Variants in CEP95 observed in about 807,000 individuals in gnomAD.
The protein encoded by CEP95 is centrosomal protein of 95 kDa.
CEP95 carries 98 observed loss-of-function variants against 111.2 expected under a neutral mutation model. The ratio of observed to expected loss-of-function variants is 0.88; its 90% CI spans 0.75 to 1.04. The LOEUF (loss-of-function observed/expected upper bound fraction) is 1.04. Among genes scored for constraint, CEP95 ranks in the 50% least tolerant of loss-of-function variants. CEP95 has a pLI of 0.00. For missense variants in CEP95, 1,027 were observed against 977.2 expected (o/e 1.05, Z -0.68); for synonymous variants, 323 against 327.1 (o/e 0.99, Z 0.14).
chr17:64,537,012 ATAT>A (rs1477078694), intron 18 of CEP95, 26 bp from the exon 19 acceptor site: 22 of 1,570,110 alleles, frequency 1.4e-5, no homozygotes, highest in Non-Finnish European at 1.8e-5. Context: ...ATTAAATATA[ATAT>A]TTGTTTTTTT....
rs144330344 is a variant in CEP95 at position 64,521,874 on chromosome 17, C to T, written c.715+347C>T. 9.2e-5 allele frequency among the ~76,000 whole-genome samples: 14 copies of T among 151,782 alleles called. No individual in the cohort carries two copies. The East Asian group carries it at 2.1e-3, about 23-fold the overall frequency. ...GAAAAACATTCTTTTTTTATTGTTT[C>T]GAGACAGAGTCTAGCTCTGTTGCCC... On this transcript the variant is annotated intron_variant, in intron 7 of 19. Transcript: ENST00000556440.
chr17:64,523,940 A>T (rs541509247), intron 8 of CEP95, among the ~76,000 whole-genome samples: 1 of 152,220 alleles, frequency 6.6e-6, no homozygotes, highest in Non-Finnish European at 1.5e-5. Flanking sequence ...GTATGTACAC[A>T]GGGTAGATAT....
chr17:64,527,584 T>G (rs1361612356), intron 11 of CEP95, among the ~76,000 whole-genome samples: 1 of 152,182 alleles, frequency 6.6e-6, no homozygotes, highest in Admixed American at 6.5e-5. Flanking sequence ...TTTTATACTT[T>G]AAGAGCTCAT....
chr17:64,529,401 A>G lies in CEP95; in HGVS notation c.1420A>G (p.Thr474Ala), dbSNP rs1555679818. 1.2e-6 allele frequency: 2 copies of G among 1,613,818 alleles called. No individual in the cohort carries two copies. The highest frequency in any genetic ancestry group is 1.1e-5 in the South Asian group (1 of 91,050). Residue 474 changes from threonine to alanine, a missense_variant, in exon 12 of 20, where the codon ACA (threonine) becomes GCA (alanine). By Grantham distance (58) the Thr-to-Ala change is moderately conservative. Coordinates refer to ENST00000556440, the MANE Select transcript of CEP95 (RefSeq NM_138363.3). ...ERKRQRKPRE[T>A]DVRQFQAQAF... is the part of the protein sequence containing the mutation. ...AAAAAGGCAGCGCAAGCCAAGAGAA[A>G]CAGATGTCCGCCAATTCCAAGCACA...
intron 19 of CEP95, 75 bp from the exon 20 acceptor site, chr17:64,537,528 A>AGAT (rs1555681855): frequency 6.8e-7 from 1 of 1,467,048 alleles, no homozygotes; most frequent in Admixed American, 2.4e-5. Context: ...ATTAGCTGGA[A>AGAT]GATGGAGAGG....
At chr17:64,534,564 C>T in intron 16 of CEP95, 21 bp from the exon 17 acceptor site, 1 of 1,609,138 alleles carries the variant, frequency 6.2e-7, no homozygotes, top group Non-Finnish European at 8.5e-7. Flanking sequence ...CCTTCTCTTC[C>T]CTCCCCTTTC....
At chr17:64,532,496 C>T in intron 14 of CEP95, 1 of 985,356 alleles carries the variant, frequency 1.0e-6, no homozygotes, top group Non-Finnish European at 1.2e-6. Flanking sequence ...TCCTTTAGAC[C>T]AGAAACTTTT....
At chr17:64,526,331 T>A in intron 10 of CEP95, 131 bp downstream of exon 10, 1 of 891,936 alleles carries the variant, frequency 1.1e-6, no homozygotes, top group Non-Finnish European at 1.6e-6. Context: ...AAATGTTCCG[T>A]AAGTCAAGCA....
chr17:64,536,800 C>A lies in CEP95; in HGVS notation c.2217+52C>A, dbSNP rs1303165386. ...GTTGTGCTTAGTCCTGACCACTTGC[C>A]CTTGTGGCAAAACTTGCTTAGTCTG... On this transcript the variant is annotated intron_variant, in intron 18 of 19. Transcript: ENST00000556440. The A allele has an allele frequency of 2.6e-6, 4 of 1,552,178 alleles. No homozygotes were observed. The African/African-American group carries it at 4.2e-5, about 16-fold the overall frequency.
intron 11 of CEP95, among the ~76,000 whole-genome samples, chr17:64,528,700 T>G (rs1555679652): frequency 6.6e-6 from 1 of 152,228 alleles, no homozygotes; most frequent in Non-Finnish European, 1.5e-5. Context: ...CTTTTCCCAC[T>G]GGAGTCACCC....
chr17:64,536,565 T>C, intron 17 of CEP95, 37 bp from the exon 18 acceptor site: 1 of 1,540,892 alleles, frequency 6.5e-7, no homozygotes, highest in Non-Finnish European at 8.8e-7. Context: ...AAAATGATAT[T>C]CCTCAATGAC....
intron 18 of CEP95, 112 bp from the exon 19 acceptor site, chr17:64,536,929 T>C: frequency 3.3e-6 from 4 of 1,216,578 alleles, no homozygotes; most frequent in Admixed American, 4.9e-5. Flanking sequence ...CATAGTACAG[T>C]ATATTTCCCT....
chr17:64,521,675 T>C (rs1197604049), intron 7 of CEP95, 148 bp downstream of exon 7: 2 of 686,006 alleles, frequency 2.9e-6, no homozygotes, highest in East Asian at 3.1e-5. Flanking sequence ...CTATTAATTA[T>C]GGTATCTGAA....
At chr17:64,507,287 C>T (rs899448437) in intron 1 of CEP95, 171 bp downstream of exon 1, 29 of 1,468,526 alleles carry the variant, frequency 2.0e-5, no homozygotes, top group Non-Finnish European at 2.6e-5. Flanking sequence ...ACCACCTCTT[C>T]GCTTCGAGGC....
rs544761018 is a variant in CEP95, at chr17:64,537,671, G to C, written c.2358G>C (p.Met786Ile). The C allele has an allele frequency of 1.1e-5, 18 of 1,613,394 alleles. No homozygotes were observed. The highest frequency in any genetic ancestry group is 1.7e-5 in the Admixed American group (1 of 59,976). ...MEKEIQQLQD[M>I]ITQNDDDVFF... ...AGGAAATTCAGCAGCTGCAGGACAT[G>C]ATAACACAGAATGATGATGATGTTT... The change falls in exon 20 of 20, where the codon ATG (methionine) becomes ATC (isoleucine). Residue 786 changes from methionine to isoleucine, a missense_variant. Physicochemically the swap from Met to Ile is conservative, Grantham distance 10. Transcript: ENST00000556440.
intron 5 of CEP95, among the ~76,000 whole-genome samples, chr17:64,517,537 C>T (rs1555676663): frequency 6.6e-6 from 1 of 151,466 alleles, no homozygotes; most frequent in Non-Finnish European, 1.5e-5. Flanking sequence ...CGTTGCCTGC[C>T]CCTCACCCCT....
At chr17:64,511,920 T>C (rs9891858) in intron 3 of CEP95, among the ~76,000 whole-genome samples, 7,994 of 152,290 alleles carry the variant, frequency 0.052, 742 homozygotes, top group African/African-American at 0.18. Flanking sequence ...GGTCCCTGAC[T>C]TCTCGCAACA....
At chr17:64,522,337 A>G (rs1476478099) in intron 7 of CEP95, among the ~76,000 whole-genome samples, 1 of 152,108 alleles carries the variant, frequency 6.6e-6, no homozygotes, top group African/African-American at 2.4e-5. Flanking sequence ...GTTTTATGAT[A>G]ATAACATTAA....
intron 7 of CEP95, 107 bp from the exon 8 acceptor site, chr17:64,522,595 T>A (rs1196304827): frequency 1.5e-6 from 1 of 682,040 alleles, no homozygotes; most frequent in Non-Finnish European, 2.4e-6. Context: ...GTTTAAAAAA[T>A]ATTTCTAATG....
Sources: gnomAD v4.1 joint callset for allele counts (sites outside exome capture counted in the v4.1 genomes callset) on GRCh38, gnomAD v4.1.1 for gene constraint, MANE v1.5 for transcripts, NCBI Gene and HGNC (gene_info 2026-07-23, HGNC 2026-07-21) for gene names.